Variants in COL11A1 observed in about 807,000 individuals in gnomAD.
COL11A1 encodes the protein collagen alpha-1(XI) chain.
A neutral mutation model predicts 265.2 loss-of-function variants in COL11A1; 74 were observed. That is an observed-to-expected ratio of 0.28 (90% confidence interval 0.23 to 0.34). The LOEUF is 0.34. Among genes scored for constraint, COL11A1 ranks in the 10% least tolerant of loss-of-function variants. The probability of loss-of-function intolerance (pLI) is 1.00; values close to 1 mark genes in which losing one functional copy is unlikely to be tolerated. For synonymous variants in COL11A1, 816 were observed against 727.6 expected (o/e 1.12, Z -1.96); for missense variants, 2,165 against 2,263.6 (o/e 0.96, Z 0.88).
intron 1 of COL11A1, among the ~76,000 whole-genome samples, chr1:103,088,797 G>A (rs1673078477): frequency 6.6e-6 from 1 of 152,172 alleles, no homozygotes; most frequent in African/African-American, 2.4e-5. Flanking sequence ...AGAGAGTAAA[G>A]AGTTCAAGGA....
chr1:102,877,823 C>T lies in COL11A1; in HGVS notation c.*196G>A, dbSNP rs1649676432. On this transcript the variant is annotated 3_prime_UTR_variant, in exon 67 of 67. Transcript: ENST00000370096. ...CCTGTTTCCATCTTAGCCACACCAA[C>T]TTATATCTTTATGATTTTCAAAGCT... 1.8e-6 allele frequency: 1 copy of T among 554,262 alleles called. No individual in the cohort carries two copies. Among genetic ancestry groups the T allele is most frequent in the Admixed American group, 3.0e-5 (1 of 32,908 alleles). The allele number at this position is 554,262 out of a possible 1,614,324, so 34.3% of individuals were successfully genotyped here.
chr1:102,952,333 G>A (rs1000836323), intron 41 of COL11A1, among the ~76,000 whole-genome samples: 3 of 152,064 alleles, frequency 2.0e-5, no homozygotes, highest in Non-Finnish European at 2.9e-5. Flanking sequence ...TCTTGACCTC[G>A]TGATCCACCT....
At chr1:103,081,230 C>T (rs964367617) in intron 2 of COL11A1, among the ~76,000 whole-genome samples, 1 of 151,780 alleles carries the variant, frequency 6.6e-6, no homozygotes, top group Admixed American at 6.6e-5. Context: ...ATGCAGAACA[C>T]ACTGACCCTG....
rs1475355432 is a variant in COL11A1, at chr1:102,939,810, AT to A, written c.3384+516del. On this transcript the variant is annotated intron_variant, in intron 43 of 66. Transcript: ENST00000370096. ...ACATTATCAGAGTGCTGGTTTAAAA[AT>A]TTTTAAATAATATTTTAAAATAATA... is the stretch of plus-strand genomic sequence containing the variant. Among the ~76,000 whole-genome samples the A allele has an allele frequency of 2.6e-5, 4 of 152,256 alleles. No individual in the cohort carries two copies. In the East Asian group the frequency reaches 7.7e-4, roughly 29 times the overall value.
intron 4 of COL11A1, 85 bp from the exon 5 acceptor site, chr1:103,031,329 T>A: frequency 6.8e-7 from 1 of 1,467,736 alleles, no homozygotes; most frequent in Non-Finnish European, 9.2e-7. Context: ...GAGATGTGGT[T>A]TATTTTTAAA....
chr1:102,920,411 T>C, intron 48 of COL11A1, 47 bp from the exon 49 acceptor site: 1 of 1,507,688 alleles, frequency 6.6e-7, no homozygotes. Context: ...CTTATTAAAA[T>C]AATGCATTCG....
At chr1:102,923,143 A>T (rs941174691) in intron 47 of COL11A1, among the ~76,000 whole-genome samples, 193 bp downstream of exon 47, 1 of 152,176 alleles carries the variant, frequency 6.6e-6, no homozygotes, top group Non-Finnish European at 1.5e-5. Context: ...ATCTTGAGTG[A>T]ATATTACCTA....
intron 46 of COL11A1, among the ~76,000 whole-genome samples, chr1:102,930,254 G>A (rs1178284666): frequency 6.6e-6 from 1 of 151,596 alleles, no homozygotes; most frequent in Non-Finnish European, 1.5e-5. Context: ...TTATTATTTT[G>A]AAATACGTCC....
intron 1 of COL11A1, among the ~76,000 whole-genome samples, chr1:103,091,647 G>A (rs1673332675): frequency 6.6e-6 from 1 of 151,986 alleles, no homozygotes; most frequent in South Asian, 2.1e-4. Flanking sequence ...TCCCCGAAGG[G>A]TTTTATAATC....
intron 4 of COL11A1, among the ~76,000 whole-genome samples, chr1:103,066,474 T>G (rs1671156276): frequency 6.6e-6 from 1 of 151,016 alleles, no homozygotes; most frequent in South Asian, 2.1e-4. Flanking sequence ...TAAAAAGTAT[T>G]TCTTAAATAA....
rs193208792 is a variant in COL11A1 at position 103,077,894 on chromosome 1, C to A, written c.488+764G>T. 3.8e-3 allele frequency among the ~76,000 whole-genome samples: 582 copies of A among 152,162 alleles called. 4 individuals carry two copies. Among genetic ancestry groups the A allele is most frequent in the African/African-American group, 0.013 (550 of 41,526 alleles). ...TACTTAAACTCTCTGAGCCTCAGTT[C>A]CCTTACCAGGAAAATTAGTTTGTTA... On this transcript the variant is annotated intron_variant, in intron 3 of 66. Coordinates refer to ENST00000370096, the MANE Select transcript of COL11A1 (RefSeq NM_001854.4).
At chr1:102,912,979 T>C (rs527568157) in intron 53 of COL11A1, among the ~76,000 whole-genome samples, 1 of 152,350 alleles carries the variant, frequency 6.6e-6, no homozygotes, top group South Asian at 2.1e-4. Context: ...CATTCTTGTG[T>C]ACCTCACAGC....
Position 103,005,846 on chromosome 1 carries a change from C to A in COL11A1, c.1837G>T (p.Gly613Cys). The change falls in exon 18 of 67, where the codon GGT (glycine) becomes TGT (cysteine). Residue 613 changes from glycine to cysteine, a missense_variant. By Grantham distance (159) the Gly-to-Cys change is radical. Transcript: ENST00000370096. The part of the protein sequence containing the change: ...DGLPGLPGDK[G>C]HRGERGPQGP... ...GAATAGATGTATCTTACCCTGTGACCTTTGTCACCTGGCAGACCCGGAAGT... is the reference window on the plus strand; with the variant it reads ...GAATAGATGTATCTTACCCTGTGACATTTGTCACCTGGCAGACCCGGAAGT... 1 of 1,614,046 alleles carries A rather than the reference C, an allele frequency of 6.2e-7. No individual in the cohort carries two copies.
intron 1 of COL11A1, among the ~76,000 whole-genome samples, chr1:103,085,441 G>A (rs532684721): frequency 2.1e-4 from 32 of 152,252 alleles, no homozygotes; most frequent in African/African-American, 7.5e-4. Flanking sequence ...TTGGGGATGT[G>A]GAAGGAAACC....
chr1:103,089,215 T>C (rs1237022260), intron 1 of COL11A1, among the ~76,000 whole-genome samples: 4 of 152,198 alleles, frequency 2.6e-5, no homozygotes, highest in Non-Finnish European at 5.9e-5. Flanking sequence ...TTTTTAAGTT[T>C]CCCAGATGAG....
At chr1:103,015,438 T>C (rs984932327) in intron 12 of COL11A1, among the ~76,000 whole-genome samples, 8 of 152,084 alleles carry the variant, frequency 5.3e-5, no homozygotes, top group African/African-American at 1.9e-4. Context: ...TCAAAAACTC[T>C]GTTGCTAAGA....
chr1:103,097,801 T>G (rs749955219), intron 1 of COL11A1, among the ~76,000 whole-genome samples: 9 of 151,976 alleles, frequency 5.9e-5, no homozygotes, highest in Non-Finnish European at 1.2e-4. Context: ...ATTAATTAGC[T>G]TTTCACTCCA....
chr1:103,045,080 C>A (rs1018727826), intron 4 of COL11A1, among the ~76,000 whole-genome samples: 1 of 151,776 alleles, frequency 6.6e-6, no homozygotes, highest in Non-Finnish European at 1.5e-5. Context: ...ACAAGCAGCC[C>A]CAAGGCAAGA....
chr1:102,925,412 T>C (rs1010246181), intron 46 of COL11A1, among the ~76,000 whole-genome samples: 39 of 152,164 alleles, frequency 2.6e-4, no homozygotes, highest in African/African-American at 9.4e-4. Context: ...GGAACTTTAC[T>C]GAATATATTT....
Sources: allele counts gnomAD v4.1 joint callset (sites outside exome capture counted in the v4.1 genomes callset), GRCh38; gene constraint gnomAD v4.1.1; transcripts MANE v1.5; gene names NCBI Gene and HGNC (gene_info 2026-07-23, HGNC 2026-07-21).